ABCC9: variants seen among roughly 807,000 people sequenced by gnomAD.
ABCC9 encodes ATP binding cassette subfamily C member 9, also known as ATP-binding cassette sub-family C member 9.
ABCC9 carries 95 observed loss-of-function variants against 188.3 expected under a neutral mutation model. The observed-to-expected ratio is 0.50, with a 90% CI of 0.43 to 0.60. ABCC9 has a LOEUF of 0.60. Ranked by LOEUF, ABCC9 falls within the 20% of genes least tolerant of loss-of-function variation. The pLI, the probability that ABCC9 is intolerant of heterozygous loss-of-function variation, is 0.00. For synonymous variants in ABCC9, 659 were observed against 652.7 expected (o/e 1.01, Z -0.15); for missense variants, 1,102 against 1,876.3 (o/e 0.59, Z 7.62).
intron 31 of ABCC9, among the ~76,000 whole-genome samples, chr12:21,824,332 G>C (rs1250056257): frequency 6.6e-6 from 1 of 152,242 alleles, no homozygotes; most frequent in South Asian, 2.1e-4. Context: ...TGCATCCCAG[G>C]GATGATGCCG....
Position 21,828,946 on chromosome 12 carries a change from A to C in ABCC9, c.3669+12T>G, listed in dbSNP as rs1232087270. The C allele has an allele frequency of 6.2e-7, 1 of 1,608,910 alleles. No homozygotes were observed. Among genetic ancestry groups the C allele is most frequent in the Non-Finnish European group, 8.5e-7 (1 of 1,175,212 alleles). ...ATTTGGTTTCCATTTCGAAATCATG[A>C]AATGAACGTACCGTCCTGACCTCCA... On this transcript the variant is annotated intron_variant, in intron 31 of 39. Coordinates refer to ENST00000261200, the MANE Select transcript of ABCC9 (RefSeq NM_020297.4).
At chr12:21,829,447 C>T (rs546248354) in intron 30 of ABCC9, among the ~76,000 whole-genome samples, 7 of 152,072 alleles carry the variant, frequency 4.6e-5, no homozygotes, top group Non-Finnish European at 1.0e-4. Flanking sequence ...GTGATCCGCC[C>T]ACCTTGGCCT....
At chr12:21,893,965 T>C in intron 14 of ABCC9, 67 bp downstream of exon 14, 5 of 1,502,286 alleles carry the variant, frequency 3.3e-6, no homozygotes, top group Non-Finnish European at 4.6e-6. Flanking sequence ...TTTTTTCAAA[T>C]ACTCCTATTA....
chr12:21,888,475 G>GA (rs2137695544), intron 14 of ABCC9, among the ~76,000 whole-genome samples: 1 of 152,224 alleles, frequency 6.6e-6, no homozygotes, highest in South Asian at 2.1e-4. Context: ...CTGGCAAGGA[G>GA]AGGGGACTCT....
At chr12:21,816,423 A>G (rs765065564) in intron 33 of ABCC9, among the ~76,000 whole-genome samples, 13 of 152,230 alleles carry the variant, frequency 8.5e-5, no homozygotes, top group Non-Finnish European at 1.8e-4. Context: ...AGGCAAACCT[A>G]CGGTGCTCTG....
chr12:21,868,456 G>A lies in ABCC9; in HGVS notation c.2199-3979C>T, dbSNP rs571530374. On this transcript the variant is annotated intron_variant, in intron 18 of 39. Coordinates refer to ENST00000261200, the MANE Select transcript of ABCC9 (RefSeq NM_020297.4). ...AGATCGAGACCATCCTGGCAAACAC[G>A]GTGAAGCCCTGTCTCTACTAAAAAT... is the stretch of plus-strand genomic sequence containing the variant. 2.6e-5 allele frequency among the ~76,000 whole-genome samples: 4 copies of A among 152,198 alleles called. No homozygotes were observed. In the South Asian group the frequency reaches 8.3e-4, roughly 32 times the overall value.
In ABCC9 at chr12:21,925,386, G is replaced by T; in HGVS notation, c.406+556C>A. On this transcript the variant is annotated intron_variant, in intron 5 of 39. Coordinates refer to ENST00000261200, the MANE Select transcript of ABCC9 (RefSeq NM_020297.4). ...TTTTAGTCACAATGCAGGTGCGAAA[G>T]GCCGTGATGTAATGGCAGCTGCTCC... 4 of 593,924 alleles carry T rather than the reference G, an allele frequency of 6.7e-6. No homozygotes were observed. In the Admixed American group the frequency reaches 9.7e-5, roughly 14 times the overall value. 36.8% of individuals were successfully genotyped at this position (593,924 alleles called of 1,614,324 possible). A position where few individuals can be genotyped will look rare whatever the true frequency, so the allele number is the denominator to read the frequency against.
At position 21,936,453 on chromosome 12, in the gene ABCC9, G is replaced by A. The variant is rs1310372767; in HGVS notation, c.142+80C>T. 3 of 1,272,510 alleles carry A rather than the reference G, an allele frequency of 2.4e-6. No individual in the cohort carries two copies. In the South Asian group the frequency reaches 3.9e-5, roughly 17 times the overall value. 78.8% of individuals were successfully genotyped at this position (1,272,510 alleles called of 1,614,324 possible). ...TCAGCTTCCATGTTACAGAAATTAA[G>A]TCAACATTATCCCAAATCTCAGCCA... is the stretch of plus-strand genomic sequence containing the variant. On this transcript the variant is annotated intron_variant, in intron 3 of 39. Coordinates refer to ENST00000261200, the MANE Select transcript of ABCC9 (RefSeq NM_020297.4).
At chr12:21,926,110 A>C in intron 4 of ABCC9, 47 bp from the exon 5 acceptor site, 1 of 1,612,806 alleles carries the variant, frequency 6.2e-7, no homozygotes, top group Non-Finnish European at 8.5e-7. Flanking sequence ...GTTCCAGATA[A>C]TTTCTTATTT....
At chr12:21,852,062 TG>T (rs772306872) in intron 24 of ABCC9, 34 bp downstream of exon 24, 1 of 1,612,580 alleles carries the variant, frequency 6.2e-7, no homozygotes, top group Non-Finnish European at 8.5e-7. Context: ...TCTTCTGAAT[TG>T]GGCTCTGAAC....
At chr12:21,810,511 A>T (rs1942162526) in intron 36 of ABCC9, among the ~76,000 whole-genome samples, 2 of 152,102 alleles carry the variant, frequency 1.3e-5, no homozygotes, top group Non-Finnish European at 2.9e-5. Flanking sequence ...AGGGGAAGCA[A>T]ACATGTCCTT....
intron 14 of ABCC9, among the ~76,000 whole-genome samples, chr12:21,891,870 C>T (rs576716597): frequency 7.2e-4 from 109 of 152,286 alleles, no homozygotes; most frequent in Non-Finnish European, 1.0e-3. Flanking sequence ...AGGTTGGTCA[C>T]GGCTTCCCAG....
chr12:21,847,707 C>T (rs190031293), intron 25 of ABCC9, among the ~76,000 whole-genome samples: 51 of 152,062 alleles, frequency 3.4e-4, no homozygotes, highest in African/African-American at 1.1e-3. Context: ...TCTTATCCTT[C>T]ATGGCTATAT....
intron 36 of ABCC9, among the ~76,000 whole-genome samples, chr12:21,810,435 G>A (rs1942158014): frequency 6.6e-6 from 1 of 152,156 alleles, no homozygotes; most frequent in African/African-American, 2.4e-5. Flanking sequence ...TATAAAGAAA[G>A]AGGTTTAATT....
At chr12:21,801,424 A>G (rs1351153632) in intron 39 of ABCC9, among the ~76,000 whole-genome samples, 3 of 152,194 alleles carry the variant, frequency 2.0e-5, no homozygotes, top group Admixed American at 6.5e-5. Flanking sequence ...TGTAGCTAAT[A>G]TATCAGCGTC....
At chr12:21,861,465 T>G (rs544967004) in intron 20 of ABCC9, among the ~76,000 whole-genome samples, 3 of 152,104 alleles carry the variant, frequency 2.0e-5, no homozygotes, top group Admixed American at 1.3e-4. Context: ...CATCTGAACT[T>G]AGGCAATCAG....
intron 3 of ABCC9, among the ~76,000 whole-genome samples, chr12:21,934,690 G>C (rs1281815710): frequency 1.3e-5 from 2 of 150,702 alleles, no homozygotes; most frequent in Non-Finnish European, 3.0e-5. Flanking sequence ...TGGTGTGCTA[G>C]TAGGCCCCAC....
At chr12:21,924,693 A>G (rs1948979997) in intron 5 of ABCC9, 2 of 152,090 alleles carry the variant, frequency 1.3e-5, no homozygotes, top group Non-Finnish European at 2.9e-5. Flanking sequence ...TTTACCATCA[A>G]CTTTTCAAAA....
intron 5 of ABCC9, chr12:21,923,768 T>C: frequency 1.5e-6 from 1 of 689,014 alleles, no homozygotes; most frequent in Non-Finnish European, 2.6e-6. Flanking sequence ...ATTTCACTCT[T>C]AGGTATTTAC....
Sources: allele counts gnomAD v4.1 joint callset (sites outside exome capture counted in the v4.1 genomes callset), GRCh38; gene constraint gnomAD v4.1.1; transcripts MANE v1.5; gene names NCBI Gene and HGNC (gene_info 2026-07-23, HGNC 2026-07-21).